The following GRM7 variants were observed in gnomAD, a reference collection of about 807,000 sequenced individuals.
GRM7 encodes the protein glutamate metabotropic receptor 7, also known as metabotropic glutamate receptor 7.
A neutral mutation model predicts 84.5 loss-of-function variants in GRM7; 35 were observed. That is an observed-to-expected ratio of 0.41 (90% CI 0.32 to 0.55). The LOEUF (loss-of-function observed/expected upper bound fraction) is 0.55, where lower values mean the gene tolerates loss of function less well. Among genes scored for constraint, GRM7 ranks in the 20% least tolerant of loss-of-function variants. The pLI, the probability that GRM7 is intolerant of heterozygous loss-of-function variation, is 0.19. For missense variants in GRM7, 1,003 were observed against 1,194.6 expected (o/e 0.84, Z 2.36); for synonymous variants, 487 against 455.1 (o/e 1.07, Z -0.89).
chr3:7,131,413 T>A (rs1693594454), intron 1 of GRM7, among the ~76,000 whole-genome samples: 1 of 152,194 alleles, frequency 6.6e-6, no homozygotes, highest in African/African-American at 2.4e-5. Context: ...TGTTGAGGTG[T>A]CTGTGCATCT....
chr3:7,714,323 G>A lies in GRM7; in HGVS notation c.2699-26034G>A, dbSNP rs146718978. Among the ~76,000 whole-genome samples, 53 of 152,274 alleles carry A rather than the reference G, an allele frequency of 3.5e-4. 1 individual carries two copies. In the East Asian group the frequency reaches 8.5e-3, roughly 24 times the overall value. On this transcript the variant is annotated intron_variant, in intron 9 of 9. Transcript: ENST00000357716. Reference sequence around the variant, plus strand: ...AATAAAATCCAACTGGGTCTCTTCAGTTATCTCAACTTCCCAGATTTAAAC... The same window carrying A: ...AATAAAATCCAACTGGGTCTCTTCAATTATCTCAACTTCCCAGATTTAAAC...
At chr3:7,365,800 C>T (rs3933925) in intron 4 of GRM7, among the ~76,000 whole-genome samples, 95,808 of 150,418 alleles carry the variant, frequency 0.64, 31,249 homozygotes, top group African/African-American at 0.79. Context: ...TTCACACTTG[C>T]GGTTTATAAT....
At chr3:7,572,212 T>C (rs1489269247) in intron 7 of GRM7, among the ~76,000 whole-genome samples, 1 of 152,192 alleles carries the variant, frequency 6.6e-6, no homozygotes, top group African/African-American at 2.4e-5. Flanking sequence ...TTTGGAGATC[T>C]TAGTTCAGTG....
rs1328389865 is a variant in GRM7 at position 7,718,287 on chromosome 3, C to G, written c.2699-22070C>G. 4.6e-5 allele frequency among the ~76,000 whole-genome samples: 7 copies of G among 152,230 alleles called. No individual in the cohort carries two copies. In the South Asian group the frequency reaches 1.2e-3, roughly 27 times the overall value. On this transcript the variant is annotated intron_variant, in intron 9 of 9. Transcript: ENST00000357716. Reference sequence around the variant, plus strand: ...CTTTCATCAACCATGCAATATAATCCCTTCCCTTCCCATTTTAAATAGTCC... The same window carrying G: ...CTTTCATCAACCATGCAATATAATCGCTTCCCTTCCCATTTTAAATAGTCC...
intron 1 of GRM7, among the ~76,000 whole-genome samples, chr3:6,868,451 C>T (rs949328402): frequency 6.6e-6 from 1 of 152,118 alleles, no homozygotes; most frequent in Non-Finnish European, 1.5e-5. Context: ...GAAACTTGAG[C>T]ACACAAACCC....
At chr3:7,277,532 C>G (rs957803213) in intron 2 of GRM7, among the ~76,000 whole-genome samples, 4 of 152,024 alleles carry the variant, frequency 2.6e-5, no homozygotes, top group African/African-American at 9.7e-5. Flanking sequence ...AAATTAATAA[C>G]TGTGCAGTAT....
At chr3:7,443,027 T>C (rs1697355784) in intron 5 of GRM7, among the ~76,000 whole-genome samples, 1 of 151,866 alleles carries the variant, frequency 6.6e-6, no homozygotes, top group Non-Finnish European at 1.5e-5. Flanking sequence ...CTCATTTTCT[T>C]TTCCATCCTC....
At chr3:7,020,522 A>G (rs1559388175) in intron 1 of GRM7, among the ~76,000 whole-genome samples, 1 of 152,212 alleles carries the variant, frequency 6.6e-6, no homozygotes, top group Non-Finnish European at 1.5e-5. Flanking sequence ...AGATTCCTGG[A>G]GTCCAACCCA....
intron 8 of GRM7, among the ~76,000 whole-genome samples, chr3:7,653,180 C>CT (rs1218949173): frequency 0.025 from 2,207 of 89,386 alleles, 23 homozygotes; most frequent in Middle Eastern, 0.042. Flanking sequence ...ATACTATATC[C>CT]TTTTTTTTTT....
At chr3:7,100,012 A>T (rs1465273104) in intron 1 of GRM7, among the ~76,000 whole-genome samples, 3 of 148,598 alleles carry the variant, frequency 2.0e-5, no homozygotes, top group Non-Finnish European at 4.5e-5. Flanking sequence ...ACATGTACAT[A>T]TATGTAATAT....
At chr3:7,099,276 T>TACATGTATTATACATGTATATATGAAC (rs1698972471) in intron 1 of GRM7, among the ~76,000 whole-genome samples, 1 of 75,924 alleles carries the variant, frequency 1.3e-5, no homozygotes, top group Non-Finnish European at 2.2e-5. Context: ...TATATATGAA[T>TACATGTATTATACATGTATATATGAAC]ACATGTATTA....
At chr3:7,612,164 G>C (rs1035766347) in intron 8 of GRM7, among the ~76,000 whole-genome samples, 3 of 152,086 alleles carry the variant, frequency 2.0e-5, no homozygotes, top group Non-Finnish European at 4.4e-5. Flanking sequence ...CAGCAGTTAG[G>C]AGCATGGATG....
chr3:6,922,139 A>G (rs1697149230), intron 1 of GRM7, among the ~76,000 whole-genome samples: 1 of 152,192 alleles, frequency 6.6e-6, no homozygotes, highest in South Asian at 2.1e-4. Flanking sequence ...TGTGCAACTG[A>G]AGCAGAAGCT....
In GRM7 at chr3:6,969,126, C is replaced by A. The variant is rs143108687; in HGVS notation, c.519+107219C>A. On this transcript the variant is annotated intron_variant, in intron 1 of 9. Transcript: ENST00000357716. ...TTCTTGTGAGCCAGTAATTTAAAAACTACCAGCACATCCTTTTTATTTTGC... is the reference window on the plus strand; with the variant it reads ...TTCTTGTGAGCCAGTAATTTAAAAAATACCAGCACATCCTTTTTATTTTGC... 2.9e-4 allele frequency among the ~76,000 whole-genome samples: 44 copies of A among 151,618 alleles called. 1 individual carries two copies. The East Asian group carries it at 7.4e-3, about 26-fold the overall frequency.
intron 9 of GRM7, among the ~76,000 whole-genome samples, chr3:7,738,573 T>A (rs765098169): frequency 5.9e-5 from 9 of 152,332 alleles, no homozygotes; most frequent in Non-Finnish European, 1.2e-4. Flanking sequence ...TGGTAAAAAC[T>A]CTTCCTGAGA....
chr3:7,147,462 G>T (rs920149385), intron 2 of GRM7, among the ~76,000 whole-genome samples: 1 of 152,080 alleles, frequency 6.6e-6, no homozygotes, highest in African/African-American at 2.4e-5. Context: ...GCTCAGTGTT[G>T]TTTGTAAGCA....
intron 7 of GRM7, among the ~76,000 whole-genome samples, chr3:7,489,252 T>A (rs1349314): frequency 0.71 from 107,791 of 151,882 alleles, 38,955 homozygotes; most frequent in African/African-American, 0.83. Flanking sequence ...ATTTTAAAAA[T>A]TTTTTTATGA....
At chr3:7,553,729 G>A (rs1397731337) in intron 7 of GRM7, among the ~76,000 whole-genome samples, 1 of 152,096 alleles carries the variant, frequency 6.6e-6, no homozygotes, top group African/African-American at 2.4e-5. Flanking sequence ...AGAACAGCAT[G>A]GGGGAAATCA....
intron 4 of GRM7, among the ~76,000 whole-genome samples, chr3:7,386,317 T>C (rs531313191): frequency 6.6e-6 from 1 of 152,336 alleles, no homozygotes; most frequent in Non-Finnish European, 1.5e-5. Flanking sequence ...TGCAGGTTTG[T>C]TGCATGGGTA....
Sources: allele counts gnomAD v4.1 joint callset (sites outside exome capture counted in the v4.1 genomes callset), GRCh38; gene constraint gnomAD v4.1.1; transcripts MANE v1.5; gene names NCBI Gene and HGNC (gene_info 2026-07-23, HGNC 2026-07-21).